The following CMTM7 variants were observed in gnomAD, a reference collection of about 807,000 sequenced individuals.
The protein encoded by CMTM7 is CKLF-like MARVEL transmembrane domain-containing protein 7.
In CMTM7, 7 loss-of-function variants were observed where a neutral mutation model predicts 19.3. That is an observed-to-expected ratio of 0.36 (90% CI 0.21 to 0.68). The LOEUF (loss-of-function observed/expected upper bound fraction) is 0.68. CMTM7 is among the 30% of genes least tolerant of loss of function. The pLI, the probability that CMTM7 is intolerant of heterozygous loss-of-function variation, is 0.60. For missense variants in CMTM7, 193 were observed against 232.6 expected (o/e 0.83, Z 1.11); for synonymous variants, 87 against 99.3 (o/e 0.88, Z 0.74).
chr3:32,430,436 C>T (rs1189214284), intron 1 of CMTM7, among the ~76,000 whole-genome samples: 4 of 152,130 alleles, frequency 2.6e-5, no homozygotes, highest in Admixed American at 6.5e-5. Flanking sequence ...GCCTGCTGGC[C>T]ATTTTTACTG....
Position 32,391,853 on chromosome 3 carries a change from A to T in CMTM7, c.-54A>T. The T allele has an allele frequency of 3.4e-6, 3 of 879,232 alleles. No individual in the cohort carries two copies. The highest frequency in any genetic ancestry group is 4.4e-6 in the Non-Finnish European group (3 of 688,930). The allele number at this position is 879,232 out of a possible 1,614,324, so 54.5% of individuals were successfully genotyped here. ...CGCCCGCCCCCGGCCCGCCCTCTGT[A>T]TCTGGCCCCTGGGCAGCTGCCCGGG... is the stretch of plus-strand genomic sequence containing the variant. On this transcript the variant is annotated 5_prime_UTR_variant, in exon 1 of 5. Transcript: ENST00000334983.
At chr3:32,409,730 T>C (rs2125624449) in intron 1 of CMTM7, among the ~76,000 whole-genome samples, 1 of 152,348 alleles carries the variant, frequency 6.6e-6, no homozygotes, top group South Asian at 2.1e-4. Flanking sequence ...ATTTTGTAGC[T>C]ACACTGGAGG....
chr3:32,417,158 G>T (rs1009809609), intron 1 of CMTM7, among the ~76,000 whole-genome samples: 1 of 152,174 alleles, frequency 6.6e-6, no homozygotes, highest in African/African-American at 2.4e-5. Flanking sequence ...TAGAGTTATA[G>T]ATCCGTCACC....
chr3:32,397,559 C>G (rs978296551), intron 1 of CMTM7, among the ~76,000 whole-genome samples: 3 of 151,826 alleles, frequency 2.0e-5, no homozygotes, highest in Admixed American at 6.6e-5. Context: ...ATGGTGAAAC[C>G]CCATCTCTAC....
intron 2 of CMTM7, among the ~76,000 whole-genome samples, chr3:32,446,849 C>T (rs369159561): frequency 3.3e-5 from 5 of 152,154 alleles, no homozygotes; most frequent in East Asian, 1.9e-4. Flanking sequence ...AAAGTAGAAG[C>T]TCCCTGAAGC....
At chr3:32,436,117 A>G (rs1696593834) in intron 1 of CMTM7, among the ~76,000 whole-genome samples, 2 of 152,212 alleles carry the variant, frequency 1.3e-5, no homozygotes, top group African/African-American at 2.4e-5. Flanking sequence ...GACCCCGGAC[A>G]TATTTCCTAG....
chr3:32,404,336 AT>A (rs1259144148), intron 1 of CMTM7, among the ~76,000 whole-genome samples: 1 of 150,862 alleles, frequency 6.6e-6, no homozygotes, highest in African/African-American at 2.4e-5. Context: ...AATTTTTGTA[AT>A]TTTGTAGATA....
intron 1 of CMTM7, among the ~76,000 whole-genome samples, chr3:32,414,297 A>G (rs682667): frequency 0.42 from 63,877 of 152,028 alleles, 13,697 homozygotes; most frequent in South Asian, 0.48. Context: ...GACGTTGAAA[A>G]TTTGCACCTT....
Position 32,433,388 on chromosome 3 carries a change from A to G in CMTM7, c.160-8452A>G, listed in dbSNP as rs189775195. Among the ~76,000 whole-genome samples, 6 of 152,320 alleles carry G rather than the reference A, an allele frequency of 3.9e-5. No individual in the cohort carries two copies. The East Asian group carries it at 1.2e-3, about 29-fold the overall frequency. ...GAAATCGGTTGGGGATGAAAAGAAC[A>G]TGGCCTGGCTTGAATAACAAGCAGA... On this transcript the variant is annotated intron_variant, in intron 1 of 4. Coordinates refer to ENST00000334983, the MANE Select transcript of CMTM7 (RefSeq NM_138410.4).
intron 1 of CMTM7, among the ~76,000 whole-genome samples, chr3:32,416,240 C>T (rs1030179452): frequency 6.6e-6 from 1 of 152,076 alleles, no homozygotes. Flanking sequence ...CTCTTGTAAA[C>T]CAGGCTGGAG....
At chr3:32,424,140 C>G (rs1424396891) in intron 1 of CMTM7, among the ~76,000 whole-genome samples, 1 of 152,216 alleles carries the variant, frequency 6.6e-6, no homozygotes, top group Non-Finnish European at 1.5e-5. Flanking sequence ...GACTTGAAAG[C>G]TGGGGCCAGA....
At chr3:32,431,741 G>A (rs906587424) in intron 1 of CMTM7, among the ~76,000 whole-genome samples, 8 of 152,318 alleles carry the variant, frequency 5.3e-5, no homozygotes, top group African/African-American at 1.9e-4. Context: ...ACCTGGCTGT[G>A]TGACTTTGAG....
chr3:32,430,317 C>T (rs1326179580), intron 1 of CMTM7, among the ~76,000 whole-genome samples: 1 of 152,134 alleles, frequency 6.6e-6, no homozygotes, highest in Admixed American at 6.5e-5. Context: ...AGCGTGTCTG[C>T]TTGTCATGGC....
At chr3:32,436,386 G>T (rs1025832905) in intron 1 of CMTM7, among the ~76,000 whole-genome samples, 4 of 152,140 alleles carry the variant, frequency 2.6e-5, no homozygotes, top group Non-Finnish European at 5.9e-5. Context: ...GCAAAATTCA[G>T]CCAAAGTTGG....
intron 1 of CMTM7, among the ~76,000 whole-genome samples, chr3:32,426,363 G>A (rs347157): frequency 0.51 from 76,820 of 151,926 alleles, 19,654 homozygotes; most frequent in South Asian, 0.6. Context: ...CCCATGTTAT[G>A]AAAGCAAGAT....
At chr3:32,420,122 C>T (rs1251024519) in intron 1 of CMTM7, among the ~76,000 whole-genome samples, 3 of 152,184 alleles carry the variant, frequency 2.0e-5, no homozygotes, top group African/African-American at 7.2e-5. Flanking sequence ...CTTAGAAGAA[C>T]AGTTTATTTG....
rs2125642335 is a variant in CMTM7, at chr3:32,446,341, T to C, written c.334-3113T>C. ...ATTCTTTTTATTTCTGTAAGTGCAG[T>C]AGTAATGTTTCCTCTTTCGTTTGCA... On this transcript the variant is annotated intron_variant, in intron 2 of 4. Coordinates refer to ENST00000334983, the MANE Select transcript of CMTM7 (RefSeq NM_138410.4). Among the ~76,000 whole-genome samples, 2 of 152,328 alleles carry C rather than the reference T, an allele frequency of 1.3e-5. 1 individual carries two copies. The highest frequency in any genetic ancestry group is 4.1e-4 in the South Asian group (2 of 4,824).
chr3:32,402,442 T>G (rs2125620624), intron 1 of CMTM7, among the ~76,000 whole-genome samples: 1 of 152,110 alleles, frequency 6.6e-6, no homozygotes, highest in Admixed American at 6.5e-5. Flanking sequence ...AAAGACCGAT[T>G]GATAACCAGA....
intron 1 of CMTM7, 47 bp from the exon 2 acceptor site, chr3:32,441,793 G>A (rs1696680414): frequency 1.3e-6 from 2 of 1,565,264 alleles, no homozygotes; most frequent in South Asian, 1.1e-5. Context: ...TTCCCTGGGT[G>A]CCCGTCTTGG....
Sources: gnomAD v4.1 joint callset for allele counts (sites outside exome capture counted in the v4.1 genomes callset) on GRCh38, gnomAD v4.1.1 for gene constraint, MANE v1.5 for transcripts, NCBI Gene and HGNC (gene_info 2026-07-23, HGNC 2026-07-21) for gene names.